SOX6: variants seen among roughly 807,000 people sequenced by gnomAD.
SOX6 encodes transcription factor SOX-6.
A neutral mutation model predicts 97.8 loss-of-function variants in SOX6; 11 were observed. The ratio of observed to expected loss-of-function variants is 0.11; its 90% CI spans 0.07 to 0.19. The LOEUF (loss-of-function observed/expected upper bound fraction) is 0.19. SOX6 is among the 10% of genes least tolerant of loss of function. The pLI, the probability that SOX6 is intolerant of heterozygous loss-of-function variation, is 1.00. For missense variants in SOX6, 810 were observed against 1,039.5 expected, an observed-to-expected ratio of 0.78 and a Z score of 3.04; for synonymous variants, 360 against 371.4, an observed-to-expected ratio of 0.97 and a Z score of 0.35.
At chr11:16,422,382 C>T (rs1018269715) in intron 1 of SOX6, among the ~76,000 whole-genome samples, 1 of 152,256 alleles carries the variant, frequency 6.6e-6, no homozygotes, top group Admixed American at 6.5e-5. Context: ...AAAGGATTGA[C>T]ATAAAATAGT....
At chr11:16,530,805 A>G (rs1565173367) in intron 4 of SOX6, among the ~76,000 whole-genome samples, 1 of 151,836 alleles carries the variant, frequency 6.6e-6, no homozygotes, top group Non-Finnish European at 1.5e-5. Context: ...GGTGAAGGAA[A>G]GGAAGCAGAG....
At chr11:16,248,402 T>G (rs1002445360) in intron 3 of SOX6, among the ~76,000 whole-genome samples, 1 of 152,168 alleles carries the variant, frequency 6.6e-6, no homozygotes, top group Admixed American at 6.5e-5. Context: ...CACTGCCCTA[T>G]CAGAGGTTCT....
intron 6 of SOX6, among the ~76,000 whole-genome samples, chr11:16,116,973 A>G (rs924434967): frequency 1.3e-5 from 2 of 152,152 alleles, no homozygotes; most frequent in Non-Finnish European, 2.9e-5. Context: ...CCATGCAAAA[A>G]CTGTCTTCCA....
chr11:16,428,733 G>A (rs1409247413), intron 1 of SOX6, among the ~76,000 whole-genome samples: 1 of 152,174 alleles, frequency 6.6e-6, no homozygotes, highest in African/African-American at 2.4e-5. Flanking sequence ...CTGTAGCCTT[G>A]TAGTATAGTT....
At chr11:16,330,382 C>G (rs549876163) in intron 2 of SOX6, among the ~76,000 whole-genome samples, 1 of 152,020 alleles carries the variant, frequency 6.6e-6, no homozygotes, top group South Asian at 2.1e-4. Context: ...GGTGAAACCC[C>G]GTCTCCACCA....
intron 3 of SOX6, among the ~76,000 whole-genome samples, chr11:16,698,921 C>T (rs115703613): frequency 0.011 from 1,690 of 152,108 alleles, 23 homozygotes; most frequent in African/African-American, 0.039. Flanking sequence ...AGAGATATAA[C>T]AATAATGAAA....
intron 3 of SOX6, among the ~76,000 whole-genome samples, chr11:16,706,088 A>G (rs1848130163): frequency 6.6e-6 from 1 of 151,966 alleles, no homozygotes; most frequent in South Asian, 2.1e-4. Context: ...ATCTTGACCA[A>G]TGTTTAAATC....
At chr11:16,416,640 C>A (rs922568465) in intron 1 of SOX6, among the ~76,000 whole-genome samples, 1 of 152,190 alleles carries the variant, frequency 6.6e-6, no homozygotes, top group Non-Finnish European at 1.5e-5. Context: ...TCATTCTCAG[C>A]AGCATTTTTC....
chr11:16,514,967 T>C (rs1245064025), intron 4 of SOX6, among the ~76,000 whole-genome samples: 1 of 152,018 alleles, frequency 6.6e-6, no homozygotes, highest in African/African-American at 2.4e-5. Context: ...TTGGGTTGGT[T>C]CCAAGTCTTT....
At chr11:15,980,453 G>C (rs1191412402) in intron 15 of SOX6, among the ~76,000 whole-genome samples, 2 of 151,908 alleles carry the variant, frequency 1.3e-5, no homozygotes, top group African/African-American at 4.8e-5. Context: ...CCATCACGCT[G>C]ATCTTGCTCT....
chr11:16,025,953 T>C (rs192782577), intron 12 of SOX6, among the ~76,000 whole-genome samples: 1 of 152,244 alleles, frequency 6.6e-6, no homozygotes, highest in East Asian at 1.9e-4. Context: ...GGCCTCTTCA[T>C]TCAAACAGCA....
chr11:16,574,224 C>CA (rs1160103303), intron 4 of SOX6, among the ~76,000 whole-genome samples: 5 of 152,028 alleles, frequency 3.3e-5, no homozygotes, highest in Admixed American at 2.6e-4. Context: ...ACCTATTCTA[C>CA]AAAATAACAA....
At chr11:16,717,822 C>T (rs1224075798) in intron 2 of SOX6, among the ~76,000 whole-genome samples, 9 of 150,958 alleles carry the variant, frequency 6.0e-5, no homozygotes, top group African/African-American at 1.9e-4. Flanking sequence ...TTATTCTCCT[C>T]GTTTCCTTCA....
intron 3 of SOX6, among the ~76,000 whole-genome samples, chr11:16,685,992 G>A (rs1411609336): frequency 6.6e-6 from 1 of 152,240 alleles, no homozygotes; most frequent in Non-Finnish European, 1.5e-5. Context: ...CTGCACCTGG[G>A]CCCCATTGGG....
rs373464051 is a variant in SOX6, at chr11:16,316,665, A to G, written c.445+1781T>C. 2.6e-5 allele frequency: 4 copies of G among 152,070 alleles called. No homozygotes were observed. The East Asian group carries it at 5.8e-4, about 22-fold the overall frequency. 9.4% of individuals were successfully genotyped at this position (152,070 alleles called of 1,614,324 possible). ...TCAGGAAAAAAATCATCATCAATCA[A>G]TGCCTTTATTTTTACATTAAAGACT... On this transcript the variant is annotated intron_variant, in intron 3 of 15. Coordinates refer to ENST00000683767, the MANE Select transcript of SOX6 (RefSeq NM_001367873.1).
At chr11:16,298,123 G>T (rs894107291) in intron 3 of SOX6, among the ~76,000 whole-genome samples, 9 of 152,148 alleles carry the variant, frequency 5.9e-5, no homozygotes, top group South Asian at 2.1e-4. Flanking sequence ...ACTAATATAC[G>T]TTCTTCTGAC....
chr11:16,515,907 A>G (rs1860963622), intron 4 of SOX6, among the ~76,000 whole-genome samples: 1 of 142,364 alleles, frequency 7.0e-6, no homozygotes, highest in African/African-American at 2.6e-5. Flanking sequence ...ATTGATCTAT[A>G]TCTCTGTTTT....
At chr11:15,978,558 C>A (rs1463262083) in intron 15 of SOX6, among the ~76,000 whole-genome samples, 1 of 151,468 alleles carries the variant, frequency 6.6e-6, no homozygotes, top group Non-Finnish European at 1.5e-5. Flanking sequence ...CATCTCCCTG[C>A]CATCTAAGCA....
intron 9 of SOX6, among the ~76,000 whole-genome samples, chr11:16,058,057 T>C (rs1257037978): frequency 6.6e-6 from 1 of 152,122 alleles, no homozygotes; most frequent in Non-Finnish European, 1.5e-5. Context: ...TTTTCATTGA[T>C]AATTTTCTCT....
Sources: allele counts gnomAD v4.1 joint callset (sites outside exome capture counted in the v4.1 genomes callset), GRCh38; gene constraint gnomAD v4.1.1; transcripts MANE v1.5; gene names NCBI Gene and HGNC (gene_info 2026-07-23, HGNC 2026-07-21).